NRG3: variants seen among roughly 807,000 people sequenced by gnomAD.
The protein encoded by NRG3 is neuregulin 3, also known as pro-neuregulin-3, membrane-bound isoform.
Under a neutral mutation model 66.9 loss-of-function variants are expected in NRG3, and 31 were observed. The observed-to-expected ratio is 0.46, with a 90% CI of 0.35 to 0.63. The LOEUF (loss-of-function observed/expected upper bound fraction) is 0.63, where lower values mean the gene tolerates loss of function less well. Among genes scored for constraint, NRG3 ranks in the 20% least tolerant of loss-of-function variants. NRG3 has a pLI of 0.00. For synonymous variants in NRG3, 393 were observed against 359.4 expected (o/e 1.09, Z -1.06); for missense variants, 910 against 878.9 (o/e 1.04, Z -0.45).
intron 2 of NRG3, among the ~76,000 whole-genome samples, chr10:82,630,491 C>T (rs1172267629): frequency 6.6e-6 from 1 of 151,068 alleles, no homozygotes; most frequent in African/African-American, 2.4e-5. Flanking sequence ...TTAGATAATT[C>T]CTTTCCACCA....
intron 1 of NRG3, among the ~76,000 whole-genome samples, chr10:82,214,808 T>C (rs2075580429): frequency 6.6e-6 from 1 of 152,182 alleles, no homozygotes; most frequent in Non-Finnish European, 1.5e-5. Flanking sequence ...GTTTTTATTT[T>C]TGACAAAGAC....
intron 2 of NRG3, among the ~76,000 whole-genome samples, chr10:82,714,703 A>C (rs2134431326): frequency 6.6e-6 from 1 of 152,334 alleles, no homozygotes; most frequent in East Asian, 1.9e-4. Context: ...TAACAAGAAA[A>C]ACATAGTGGT....
chr10:82,324,898 T>G (rs2081781103), intron 1 of NRG3, among the ~76,000 whole-genome samples: 1 of 152,078 alleles, frequency 6.6e-6, no homozygotes. Flanking sequence ...TTGGATGGAG[T>G]GTACTATAAC....
At chr10:82,239,063 T>C (rs2076891110) in intron 1 of NRG3, among the ~76,000 whole-genome samples, 1 of 151,432 alleles carries the variant, frequency 6.6e-6, no homozygotes, top group Non-Finnish European at 1.5e-5. Context: ...CCTTTGTATC[T>C]GCTGTTAGCT....
intron 1 of NRG3, among the ~76,000 whole-genome samples, chr10:82,044,789 T>A (rs1344428337): frequency 6.6e-6 from 1 of 152,112 alleles, no homozygotes; most frequent in Non-Finnish European, 1.5e-5. Flanking sequence ...ATTGTTCAAC[T>A]CCCACCTATG....
At chr10:82,575,987 TC>T (rs1274236014) in intron 2 of NRG3, among the ~76,000 whole-genome samples, 1 of 151,740 alleles carries the variant, frequency 6.6e-6, no homozygotes, top group Non-Finnish European at 1.5e-5. Context: ...AGAGTCATCT[TC>T]CACTACTTTG....
At position 82,677,024 on chromosome 10, in the gene NRG3, ATCTTTCTT is replaced by A. The variant is rs59546291; in HGVS notation, c.954-61537_954-61530del. 2.5e-3 allele frequency among the ~76,000 whole-genome samples: 377 copies of A among 149,734 alleles called. 2 individuals carry two copies. The highest frequency in any genetic ancestry group is 4.1e-3 in the Non-Finnish European group (277 of 67,544). On this transcript the variant is annotated intron_variant, in intron 2 of 8. Transcript: ENST00000372141. ...TTTTCCCTTTATTTTCTTCAAAATTATCTTTCTTTCTTTCTTTCTTTCTCTCTCTCTCT... is the reference window on the plus strand; with the variant it reads ...TTTTCCCTTTATTTTCTTCAAAATTATCTTTCTTTCTTTCTCTCTCTCTCT...
chr10:82,783,877 C>G (rs2060226892), intron 3 of NRG3, among the ~76,000 whole-genome samples: 1 of 151,942 alleles, frequency 6.6e-6, no homozygotes, highest in Non-Finnish European at 1.5e-5. Context: ...CATATGGAAC[C>G]AAAAAAGAGC....
chr10:82,304,382 CAT>C (rs2080588783), intron 1 of NRG3, among the ~76,000 whole-genome samples: 2 of 152,168 alleles, frequency 1.3e-5, no homozygotes, highest in Admixed American at 1.3e-4. Flanking sequence ...CTATTAGAAA[CAT>C]AAACTCTTTG....
At chr10:82,746,948 C>G (rs967302823) in intron 3 of NRG3, among the ~76,000 whole-genome samples, 4 of 151,964 alleles carry the variant, frequency 2.6e-5, no homozygotes, top group Non-Finnish European at 5.9e-5. Context: ...CCAGGCATGG[C>G]GGTATGCACC....
chr10:82,863,352 T>G (rs1425907322), intron 3 of NRG3, among the ~76,000 whole-genome samples: 4 of 152,202 alleles, frequency 2.6e-5, no homozygotes, highest in Non-Finnish European at 5.9e-5. Flanking sequence ...GCAGAATGAT[T>G]TATAATCCTT....
chr10:82,271,751 A>ATTTT (rs2078608442), intron 1 of NRG3, among the ~76,000 whole-genome samples: 10 of 152,082 alleles, frequency 6.6e-5, no homozygotes, highest in African/African-American at 2.2e-4. Context: ...TAAAAGAGAA[A>ATTTT]CAGCATGAAT....
At chr10:82,973,040 G>A (rs1851914460) in intron 6 of NRG3, among the ~76,000 whole-genome samples, 1 of 152,104 alleles carries the variant, frequency 6.6e-6, no homozygotes, top group East Asian at 1.9e-4. Flanking sequence ...GGAGTTTCTA[G>A]AAGAGAACTC....
At chr10:82,045,411 G>A (rs2063233329) in intron 1 of NRG3, among the ~76,000 whole-genome samples, 1 of 96,914 alleles carries the variant, frequency 1.0e-5, no homozygotes, top group Non-Finnish European at 2.3e-5. Context: ...TTTTGATGGG[G>A]TTGTTTGTTT....
chr10:82,785,658 A>G (rs1410160128), intron 3 of NRG3, among the ~76,000 whole-genome samples: 1 of 152,218 alleles, frequency 6.6e-6, no homozygotes, highest in Non-Finnish European at 1.5e-5. Context: ...GACATCTGTC[A>G]GAAGAAATCT....
chr10:82,547,832 C>T (rs2044029885), intron 2 of NRG3, among the ~76,000 whole-genome samples: 1 of 151,946 alleles, frequency 6.6e-6, no homozygotes, highest in Non-Finnish European at 1.5e-5. Context: ...GGATATCTAG[C>T]TATGTTTAAG....
At chr10:82,156,310 AC>A (rs1368396981) in intron 1 of NRG3, among the ~76,000 whole-genome samples, 1 of 151,400 alleles carries the variant, frequency 6.6e-6, no homozygotes, top group Non-Finnish European at 1.5e-5. Flanking sequence ...AATGAGATAT[AC>A]CTGAATTTCA....
intron 2 of NRG3, among the ~76,000 whole-genome samples, chr10:82,469,766 C>T (rs1488543397): frequency 6.6e-6 from 1 of 152,156 alleles, no homozygotes; most frequent in Non-Finnish European, 1.5e-5. Flanking sequence ...TGTCTGAATG[C>T]ACATTAGTAC....
intron 1 of NRG3, among the ~76,000 whole-genome samples, chr10:82,355,790 A>G (rs1441181832): frequency 1.3e-5 from 2 of 152,216 alleles, no homozygotes; most frequent in African/African-American, 4.8e-5. Flanking sequence ...GGGTAATACT[A>G]TGTAGATAAT....
Sources: allele counts gnomAD v4.1 joint callset (sites outside exome capture counted in the v4.1 genomes callset), GRCh38; gene constraint gnomAD v4.1.1; transcripts MANE v1.5; gene names NCBI Gene and HGNC (gene_info 2026-07-23, HGNC 2026-07-21).